The following MAPK6 variants were observed in gnomAD, a reference collection of about 807,000 sequenced individuals.
MAPK6 encodes ERK-3.
A neutral mutation model predicts 59.3 loss-of-function variants in MAPK6; 19 were observed. The observed-to-expected ratio is 0.32, with a 90% CI of 0.22 to 0.47. The LOEUF (loss-of-function observed/expected upper bound fraction) is 0.47. MAPK6 is among the 20% of genes least tolerant of loss of function. The pLI, the probability that MAPK6 is intolerant of heterozygous loss-of-function variation, is 1.00. For missense variants in MAPK6, 724 were observed against 847.9 expected, an observed-to-expected ratio of 0.85 and a Z score of 1.81; for synonymous variants, 316 against 290.3, an observed-to-expected ratio of 1.09 and a Z score of -0.90.
At chr15:52,027,298 C>T (rs1452115750) in intron 1 of MAPK6, among the ~76,000 whole-genome samples, 1 of 131,130 alleles carries the variant, frequency 7.6e-6, no homozygotes, top group Non-Finnish European at 1.6e-5. Flanking sequence ...TGCAGTGAGC[C>T]GAGATCGTGC....
chr15:52,050,551 G>T (rs1020314848), intron 3 of MAPK6, among the ~76,000 whole-genome samples: 2 of 152,194 alleles, frequency 1.3e-5, no homozygotes, highest in Non-Finnish European at 2.9e-5. Flanking sequence ...CTATTTAGAA[G>T]TCTAAAGAAG....
intron 3 of MAPK6, among the ~76,000 whole-genome samples, chr15:52,050,888 C>A (rs555688797): frequency 4.6e-5 from 7 of 152,150 alleles, no homozygotes; most frequent in African/African-American, 1.7e-4. Flanking sequence ...ATATTTATGA[C>A]TAGTTAAGAT....
chr15:52,065,906 A>G lies in MAPK6; in HGVS notation c.*906A>G, dbSNP rs1384309425. The G allele has an allele frequency of 5.2e-5, 8 of 152,618 alleles. No homozygotes were observed. The East Asian group carries it at 1.3e-3, about 26-fold the overall frequency. The allele number at this position is 152,618 out of a possible 1,614,324, so 9.5% of individuals were successfully genotyped here. A position where few individuals can be genotyped will look rare whatever the true frequency, so the allele number is the denominator to read the frequency against. On this transcript the variant is annotated 3_prime_UTR_variant, in exon 6 of 6. Coordinates refer to ENST00000261845, the MANE Select transcript of MAPK6 (RefSeq NM_002748.4). The stretch of plus-strand genomic sequence containing the variant: ...TTTGTATTTTGGAGGTGCTTGATCT[A>G]TCTACAAAGAAAAATTAATTAGGAA...
upstream of MAPK6, among the ~76,000 whole-genome samples, chr15:52,016,056 G>T (rs1341203333): frequency 2.2e-5 from 1 of 45,766 alleles, no homozygotes; most frequent in Non-Finnish European, 4.2e-5. Context: ...ACTCCATCGC[G>T]CGCGCGCGCG....
At chr15:52,057,924 C>G (rs1382829019) in intron 3 of MAPK6, among the ~76,000 whole-genome samples, 2 of 152,326 alleles carry the variant, frequency 1.3e-5, no homozygotes, top group East Asian at 1.9e-4. Context: ...AAGGCAGGCA[C>G]TTGGTCTGTT....
chr15:52,055,795 G>A (rs2031957752), intron 3 of MAPK6, among the ~76,000 whole-genome samples: 1 of 152,178 alleles, frequency 6.6e-6, no homozygotes, highest in African/African-American at 2.4e-5. Context: ...GATTACAGGT[G>A]TGAGCCACTG....
intron 1 of MAPK6, among the ~76,000 whole-genome samples, chr15:52,039,665 G>A (rs1180682367): frequency 6.6e-6 from 1 of 151,870 alleles, no homozygotes; most frequent in African/African-American, 2.4e-5. Context: ...ACAGGTGTGA[G>A]CCACGACACC....
At chr15:51,986,616 G>A (rs895154704) in intron 2 of MAPK6, among the ~76,000 whole-genome samples, 3 of 152,138 alleles carry the variant, frequency 2.0e-5, no homozygotes, top group African/African-American at 2.4e-5. Context: ...CACTGTCACT[G>A]CTTAGGAAGC....
intron 2 of MAPK6, among the ~76,000 whole-genome samples, chr15:52,003,525 C>T (rs2057248938): frequency 6.6e-6 from 1 of 152,204 alleles, no homozygotes; most frequent in African/African-American, 2.4e-5. Context: ...TGAGCACAGT[C>T]CCCACAGCAG....
rs1566896828 is a variant in MAPK6, at chr15:52,003,386, CA to C, written c.-769-878del. ...GTGGGGACACAGAGCCAAACCATATCACCTTTCTACTTCTGCCTTGATCAGT... is the reference window on the plus strand; with the variant it reads ...GTGGGGACACAGAGCCAAACCATATCCCTTTCTACTTCTGCCTTGATCAGT... On this transcript the variant is annotated intron_variant, in intron 2 of 7. Coordinates refer to the MAPK6 transcript ENST00000691380. Among the ~76,000 whole-genome samples, 5 of 152,186 alleles carry C rather than the reference CA, an allele frequency of 3.3e-5. No individual in the cohort carries two copies. The South Asian group carries it at 1.0e-3, about 32-fold the overall frequency.
At chr15:52,050,825 C>T (rs2031754098) in intron 3 of MAPK6, among the ~76,000 whole-genome samples, 1 of 151,994 alleles carries the variant, frequency 6.6e-6, no homozygotes, top group Non-Finnish European at 1.5e-5. Context: ...AGAGTATAAG[C>T]CTGGTGCATT....
At chr15:51,980,217 C>T (rs753632655) in intron 1 of MAPK6, among the ~76,000 whole-genome samples, 27 of 150,902 alleles carry the variant, frequency 1.8e-4, no homozygotes, top group Non-Finnish European at 3.2e-4. Flanking sequence ...ATCACTTGAA[C>T]CTGGGAGGCA....
At chr15:52,013,408 T>C (rs944837792) in intron 3 of MAPK6, among the ~76,000 whole-genome samples, 1 of 152,170 alleles carries the variant, frequency 6.6e-6, no homozygotes, top group African/African-American at 2.4e-5. Context: ...AACTCTATTT[T>C]CCATCCATTT....
chr15:52,057,577 T>C (rs7497554), intron 3 of MAPK6, among the ~76,000 whole-genome samples: 8,752 of 151,606 alleles, frequency 0.058, 490 homozygotes, highest in African/African-American at 0.14. Context: ...AAAAATGTCT[T>C]ATTGTTGCCC....
At chr15:51,978,735 A>C (rs926926705) in intron 1 of MAPK6, among the ~76,000 whole-genome samples, 15 of 151,932 alleles carry the variant, frequency 9.9e-5, no homozygotes, top group African/African-American at 3.6e-4. Context: ...CAGAATTTTG[A>C]AAAAGGGATT....
At chr15:52,043,559 A>G (rs763434187) in intron 1 of MAPK6, among the ~76,000 whole-genome samples, 35 of 151,884 alleles carry the variant, frequency 2.3e-4, no homozygotes, top group Non-Finnish European at 4.6e-4. Flanking sequence ...GGCCTCCCAA[A>G]GTGCTGGGAT....
intron 1 of MAPK6, among the ~76,000 whole-genome samples, chr15:52,024,342 A>T (rs2030664991): frequency 1.3e-5 from 2 of 151,916 alleles, no homozygotes; most frequent in South Asian, 4.1e-4. Context: ...TAGAATCTTG[A>T]CTTCATCTCA....
chr15:51,976,266 C>CAA (rs774556505), intron 1 of MAPK6, among the ~76,000 whole-genome samples: 8 of 45,080 alleles, frequency 1.8e-4, no homozygotes, highest in Admixed American at 2.1e-4. Flanking sequence ...ACTCCCATCT[C>CAA]AAAAAAAAAA....
At chr15:51,973,222 T>C (rs2057143565) in intron 1 of MAPK6, among the ~76,000 whole-genome samples, 1 of 151,958 alleles carries the variant, frequency 6.6e-6, no homozygotes, top group Non-Finnish European at 1.5e-5. Flanking sequence ...ATGAAGCGGA[T>C]GTTGCAAGAG....
Sources: gnomAD v4.1 joint callset for allele counts (sites outside exome capture counted in the v4.1 genomes callset) on GRCh38, gnomAD v4.1.1 for gene constraint, MANE v1.5 for transcripts, NCBI Gene and HGNC (gene_info 2026-07-23, HGNC 2026-07-21) for gene names.